Variants in ADAP2 observed in about 807,000 individuals in gnomAD.
ADAP2 encodes arf-GAP with dual PH domain-containing protein 2.
A neutral mutation model predicts 54.9 loss-of-function variants in ADAP2; 42 were observed. That is an observed-to-expected ratio of 0.77 (90% CI 0.60 to 0.99). ADAP2 has a LOEUF of 0.99. Among genes scored for constraint, ADAP2 ranks in the 50% least tolerant of loss-of-function variants. The probability of loss-of-function intolerance (pLI) is 0.00; values close to 1 mark genes in which losing one functional copy is unlikely to be tolerated. For synonymous variants in ADAP2, 177 were observed against 180.1 expected (o/e 0.98, Z 0.14); for missense variants, 429 against 480.4 (o/e 0.89, Z 1.00).
At chr17:30,946,261 C>T (rs1457663147) in intron 6 of ADAP2, among the ~76,000 whole-genome samples, 1 of 151,962 alleles carries the variant, frequency 6.6e-6, no homozygotes, top group Admixed American at 6.6e-5. Context: ...GAGATGGAAT[C>T]TTGCTCTATT....
chr17:30,926,213 A>C (rs753104725), intron 2 of ADAP2, among the ~76,000 whole-genome samples: 1 of 151,930 alleles, frequency 6.6e-6, no homozygotes, highest in Non-Finnish European at 1.5e-5. Context: ...TGAATTGAAA[A>C]CCTGGTGTTT....
chr17:30,953,129 TTAA>T (rs1301655878), intron 7 of ADAP2, among the ~76,000 whole-genome samples, 156 bp from the exon 8 acceptor site: 3 of 152,146 alleles, frequency 2.0e-5, no homozygotes, highest in South Asian at 2.1e-4. Flanking sequence ...TGTTGAAATA[TTAA>T]TATTATGACC....
intron 6 of ADAP2, among the ~76,000 whole-genome samples, chr17:30,945,805 G>A (rs1389426732): frequency 7.0e-6 from 1 of 143,566 alleles, no homozygotes; most frequent in Non-Finnish European, 1.5e-5. Context: ...AAGAAAAATA[G>A]AGTCTGAGGC....
intron 7 of ADAP2, 78 bp from the exon 8 acceptor site, chr17:30,953,210 T>C (rs1407388390): frequency 1.7e-5 from 24 of 1,394,320 alleles, no homozygotes; most frequent in Middle Eastern, 1.9e-4. Flanking sequence ...AACTTCCCCT[T>C]TGTCGGGAGC....
intron 7 of ADAP2, 150 bp from the exon 8 acceptor site, chr17:30,953,138 T>C (rs2142590670): frequency 1.5e-6 from 1 of 655,846 alleles, no homozygotes. Flanking sequence ...ATTAATATTA[T>C]GACCATTGCA....
intron 5 of ADAP2, among the ~76,000 whole-genome samples, chr17:30,938,037 G>A (rs1912014110): frequency 2.0e-5 from 3 of 152,180 alleles, no homozygotes; most frequent in South Asian, 2.1e-4. Flanking sequence ...GACTGGCTAG[G>A]ATCACCTAAG....
chr17:30,925,045 T>C (rs886767196), intron 2 of ADAP2, among the ~76,000 whole-genome samples: 22 of 151,898 alleles, frequency 1.4e-4, no homozygotes, highest in Admixed American at 3.9e-4. Context: ...GCTAATTTTG[T>C]ATTTTTAGTA....
chr17:30,931,754 T>C, intron 3 of ADAP2, 135 bp from the exon 4 acceptor site: 1 of 584,176 alleles, frequency 1.7e-6, no homozygotes, highest in Admixed American at 3.0e-5. Flanking sequence ...CTAGGAGGTC[T>C]AGGCTGCAGT....
At chr17:30,936,045 A>G (rs1911847113) in intron 5 of ADAP2, among the ~76,000 whole-genome samples, 1 of 152,124 alleles carries the variant, frequency 6.6e-6, no homozygotes, top group Admixed American at 6.6e-5. Flanking sequence ...CTTATCCCTT[A>G]GCTGTAATCC....
chr17:30,930,449 TGGAGCTGGCCTCAGGAAGGACCAAGCCA>T (rs964247877), intron 3 of ADAP2, among the ~76,000 whole-genome samples: 15 of 152,146 alleles, frequency 9.9e-5, no homozygotes, highest in Non-Finnish European at 2.1e-4. Context: ...AGGACAGTGG[TGGAGCTGGCCTCAGGAAGGACCAAGCCA>T]GGAGCTCACA....
chr17:30,955,571 G>T (rs1342372222), intron 9 of ADAP2, among the ~76,000 whole-genome samples: 1 of 151,988 alleles, frequency 6.6e-6, no homozygotes, highest in Non-Finnish European at 1.5e-5. Context: ...GCCGGACGTG[G>T]TGGTGCGTGC....
chr17:30,954,897 G>A (rs1415234487), intron 9 of ADAP2, among the ~76,000 whole-genome samples: 3 of 152,206 alleles, frequency 2.0e-5, no homozygotes, highest in Non-Finnish European at 2.9e-5. Context: ...GAACCCCACC[G>A]TCTGGGCTCT....
rs1019426967 is a variant in ADAP2, at chr17:30,922,985, A to G, written c.140A>G (p.Asn47Ser). Residue 47 changes from asparagine (N) to serine (S), a missense_variant, in exon 2 of 11, where the codon AAC (asparagine) becomes AGC (serine). Physicochemically the swap from Asn to Ser is conservative, Grantham distance 46 (BLOSUM62 1). Coordinates refer to ENST00000330889, the MANE Select transcript of ADAP2 (RefSeq NM_018404.3). ...AAGCTGGGGATCTTCATCTGTCTCA[A>G]CTGCTGCGGCGTCCACCGTAACTTC... Reference protein sequence around the residue: ...SYKLGIFICLNCCGVHRNFPD... With the variant: ...SYKLGIFICLSCCGVHRNFPD... 1 of 1,614,044 alleles carries G rather than the reference A, an allele frequency of 6.2e-7. No individual in the cohort carries two copies. The highest frequency in any genetic ancestry group is 8.5e-7 in the Non-Finnish European group (1 of 1,179,996).
At chr17:30,929,342 C>T (rs1206448308) in intron 3 of ADAP2, among the ~76,000 whole-genome samples, 1 of 152,198 alleles carries the variant, frequency 6.6e-6, no homozygotes, top group Non-Finnish European at 1.5e-5. Context: ...GCTACCTGTC[C>T]ATGGCCAGCT....
chr17:30,950,819 C>T lies in ADAP2; in HGVS notation c.741+1449C>T, dbSNP rs148686250. Among the ~76,000 whole-genome samples, 172 of 152,220 alleles carry T rather than the reference C, an allele frequency of 1.1e-3. 2 individuals carry two copies. The East Asian group carries it at 0.027, about 24-fold the overall frequency. On this transcript the variant is annotated intron_variant, in intron 7 of 10. Coordinates refer to ENST00000330889, the MANE Select transcript of ADAP2 (RefSeq NM_018404.3). ...ACTGGTTAATGCTGGCTCCCATGGG[C>T]GGGGAGTGGAGACTGCTGACTGCTG...
At chr17:30,932,379 C>T (rs887559678) in intron 4 of ADAP2, among the ~76,000 whole-genome samples, 4 of 151,724 alleles carry the variant, frequency 2.6e-5, no homozygotes, top group African/African-American at 9.7e-5. Flanking sequence ...ACTACAGGCA[C>T]ATGCCACCAT....
At chr17:30,946,680 C>T (rs760987433) in intron 6 of ADAP2, among the ~76,000 whole-genome samples, 3 of 152,118 alleles carry the variant, frequency 2.0e-5, no homozygotes, top group Non-Finnish European at 4.4e-5. Flanking sequence ...CATTTTGTGA[C>T]CATCTATTAA....
At position 30,944,894 on chromosome 17, in the gene ADAP2, TTCTC is replaced by T; in HGVS notation, c.511-9_511-6del. Reference sequence around the variant, plus strand: ...GGACTGTCAGCGTCTTTCTTTCTCTTTCTCTCTTTCAGGGTAAAAGCCCCAAAGC... The same window carrying T: ...GGACTGTCAGCGTCTTTCTTTCTCTTTCTTTCAGGGTAAAAGCCCCAAAGC... On this transcript the variant is annotated splice_polypyrimidine_tract_variant and intron_variant, in intron 5 of 10. Coordinates refer to ENST00000330889, the MANE Select transcript of ADAP2 (RefSeq NM_018404.3). 6.2e-7 allele frequency: 1 copy of T among 1,611,422 alleles called. No individual in the cohort carries two copies. Among genetic ancestry groups the T allele is most frequent in the Non-Finnish European group, 8.5e-7 (1 of 1,179,342 alleles).
chr17:30,953,175 T>C (rs1308162040), intron 7 of ADAP2, 113 bp from the exon 8 acceptor site: 1 of 867,500 alleles, frequency 1.2e-6, no homozygotes, highest in Non-Finnish European at 1.9e-6. Context: ...CTGTGAGCCA[T>C]GAGCGTACAT....
Sources: allele counts gnomAD v4.1 joint callset (sites outside exome capture counted in the v4.1 genomes callset), GRCh38; gene constraint gnomAD v4.1.1; transcripts MANE v1.5; gene names NCBI Gene and HGNC (gene_info 2026-07-23, HGNC 2026-07-21).